Variants in ZNF644 observed in about 807,000 individuals in gnomAD.
The protein encoded by ZNF644 is zinc finger motif enhancer binding protein 2.
Under a neutral mutation model 108.0 loss-of-function variants are expected in ZNF644, and 20 were observed. The observed-to-expected ratio is 0.19, with a 90% CI of 0.13 to 0.27. The LOEUF is 0.27. ZNF644 is among the 10% of genes least tolerant of loss of function. The pLI is 1.00. For synonymous variants in ZNF644, 542 were observed against 539.1 expected, an observed-to-expected ratio of 1.01 and a Z score of -0.08; for missense variants, 1,338 against 1,548.9, an observed-to-expected ratio of 0.86 and a Z score of 2.29.
In ZNF644 at chr1:90,940,016, C is replaced by T. The variant is rs200221992; in HGVS notation, c.1338G>A (p.Arg446=). 3.2e-5 allele frequency: 51 copies of T among 1,613,986 alleles called. No individual in the cohort carries two copies. In the East Asian group the frequency reaches 4.5e-4, roughly 14 times the overall value. The change falls in exon 3 of 6, where the codon AGG becomes AGA. Residue 446 remains arginine, a synonymous_variant. Coordinates refer to ENST00000337393, the MANE Select transcript of ZNF644 (RefSeq NM_201269.3). ...NSHFRHLNVP[R]PYACRECGRT... ...GTCCACATTCTCTACAAGCATATGG[C>T]CTTGGGACATTAAGATGGCGAAAGT...
chr1:91,001,550 C>A (rs1658822630), intron 1 of ZNF644, among the ~76,000 whole-genome samples: 1 of 152,106 alleles, frequency 6.6e-6, no homozygotes, highest in African/African-American at 2.4e-5. Context: ...ATAACAAGAG[C>A]TATTTATGAC....
At chr1:91,002,330 G>C (rs1393127993) in intron 1 of ZNF644, among the ~76,000 whole-genome samples, 2 of 151,996 alleles carry the variant, frequency 1.3e-5, no homozygotes, top group Non-Finnish European at 2.9e-5. Context: ...CCAAAACAGA[G>C]ATATAGACCA....
intron 1 of ZNF644, among the ~76,000 whole-genome samples, chr1:91,011,477 C>A (rs964920002): frequency 1.3e-5 from 2 of 152,070 alleles, no homozygotes; most frequent in Admixed American, 6.5e-5. Context: ...AGAAAAAATT[C>A]TTTATCTGCA....
At chr1:90,928,987 G>A (rs1025773582) in intron 4 of ZNF644, among the ~76,000 whole-genome samples, 3 of 151,994 alleles carry the variant, frequency 2.0e-5, no homozygotes, top group Admixed American at 1.3e-4. Flanking sequence ...TACTGGCTCA[G>A]CGATGAACAG....
At chr1:91,020,455 T>C (rs1660805537) in intron 1 of ZNF644, 1 of 152,196 alleles carries the variant, frequency 6.6e-6, no homozygotes, top group Non-Finnish European at 1.5e-5. Flanking sequence ...ATAACTTTAA[T>C]TTGTTAGAAA....
intron 2 of ZNF644, among the ~76,000 whole-genome samples, chr1:90,960,764 A>T (rs1031577220): frequency 6.6e-6 from 1 of 152,130 alleles, no homozygotes; most frequent in Non-Finnish European, 1.5e-5. Context: ...CCTCATTGCA[A>T]CAAGTAAAAA....
chr1:91,012,989 CG>C (rs2100651580), intron 1 of ZNF644, among the ~76,000 whole-genome samples: 1 of 152,232 alleles, frequency 6.6e-6, no homozygotes, highest in East Asian at 1.9e-4. Flanking sequence ...TTTTGAAGAT[CG>C]ACTAGGCTTT....
At chr1:90,929,250 A>G (rs1378961907) in intron 4 of ZNF644, among the ~76,000 whole-genome samples, 1 of 152,230 alleles carries the variant, frequency 6.6e-6, no homozygotes, top group Non-Finnish European at 1.5e-5. Flanking sequence ...CTGAACTCCT[A>G]CAACACTTAA....
intron 4 of ZNF644, chr1:90,935,391 T>C (rs1367712634): frequency 1.0e-6 from 1 of 985,898 alleles, no homozygotes; most frequent in Non-Finnish European, 1.2e-6. Flanking sequence ...CTTGCTGTGA[T>C]ATCTGTTCAA....
At chr1:91,007,219 C>CTTTT (rs1557658445) in intron 1 of ZNF644, among the ~76,000 whole-genome samples, 4 of 114,248 alleles carry the variant, frequency 3.5e-5, no homozygotes, top group Admixed American at 9.1e-5. Flanking sequence ...CATTTTCTCC[C>CTTTT]ATTTTGTTTT....
intron 1 of ZNF644, among the ~76,000 whole-genome samples, chr1:90,991,864 T>C (rs1040629261): frequency 6.6e-6 from 1 of 152,190 alleles, no homozygotes; most frequent in African/African-American, 2.4e-5. Flanking sequence ...GTCAAACGAT[T>C]TGTATGCAAA....
In ZNF644 at chr1:90,941,087, T is replaced by C. The variant is rs1477516586; in HGVS notation, c.267A>G (p.Gly89=). Residue 89 remains glycine (G), a synonymous_variant, in exon 3 of 6, where the codon GGA becomes GGG. Transcript: ENST00000337393. The stretch of plus-strand genomic sequence containing the variant: ...CATGTATAAATAGACTAGACTGGCC[T>C]CCACTTAAGGCGTTTTCAGATTTGT... ...SKDKSENALS[G]GQSSLFIHAG... The C allele has an allele frequency of 2.5e-6, 4 of 1,614,136 alleles. No individual in the cohort carries two copies. The South Asian group carries it at 4.4e-5, about 18-fold the overall frequency.
intron 2 of ZNF644, among the ~76,000 whole-genome samples, chr1:90,943,212 C>A (rs949698073): frequency 4.6e-5 from 7 of 151,910 alleles, no homozygotes; most frequent in Non-Finnish European, 1.0e-4. Flanking sequence ...GAGGCCGAGG[C>A]GGGTGGATTA....
chr1:91,015,860 T>TAAC (rs1660387329), intron 1 of ZNF644, among the ~76,000 whole-genome samples: 1 of 152,148 alleles, frequency 6.6e-6, no homozygotes, highest in African/African-American at 2.4e-5. Flanking sequence ...ATGGTAATAA[T>TAAC]AACTATTATT....
chr1:90,975,733 C>A (rs1334432613), intron 2 of ZNF644, among the ~76,000 whole-genome samples: 2 of 152,112 alleles, frequency 1.3e-5, no homozygotes, highest in African/African-American at 4.8e-5. Context: ...TGTGAGCCAC[C>A]ACGCCTGGCC....
intron 1 of ZNF644, among the ~76,000 whole-genome samples, chr1:90,994,909 T>A (rs1235135262): frequency 6.6e-6 from 1 of 152,090 alleles, no homozygotes; most frequent in Admixed American, 6.5e-5. Flanking sequence ...CGTGGCTGCA[T>A]ACATCAGGGG....
chr1:90,990,222 G>A (rs564130814), intron 1 of ZNF644, among the ~76,000 whole-genome samples: 1 of 152,284 alleles, frequency 6.6e-6, no homozygotes, highest in South Asian at 2.1e-4. Context: ...AAAAGTTCTA[G>A]AGACCTGTTA....
At chr1:90,942,294 GA>G (rs1438034602) in intron 2 of ZNF644, among the ~76,000 whole-genome samples, 6 of 152,044 alleles carry the variant, frequency 3.9e-5, no homozygotes, top group African/African-American at 1.2e-4. Flanking sequence ...ATCATTATGA[GA>G]AAAAAGTACA....
chr1:90,966,246 A>G (rs1435758869), intron 2 of ZNF644, among the ~76,000 whole-genome samples: 1 of 152,178 alleles, frequency 6.6e-6, no homozygotes, highest in Non-Finnish European at 1.5e-5. Context: ...GAGCACTCTT[A>G]GTAACTCTCT....
Sources: allele counts gnomAD v4.1 joint callset (sites outside exome capture counted in the v4.1 genomes callset), GRCh38; gene constraint gnomAD v4.1.1; transcripts MANE v1.5; gene names NCBI Gene and HGNC (gene_info 2026-07-23, HGNC 2026-07-21).